INO80D: variants seen among roughly 807,000 people sequenced by gnomAD.
INO80D encodes the protein INO80 complex subunit D.
Under a neutral mutation model 87.6 loss-of-function variants are expected in INO80D, and 21 were observed. That is an observed-to-expected ratio of 0.24 (90% CI 0.17 to 0.35). INO80D has a LOEUF of 0.35. Among genes scored for constraint, INO80D ranks in the 10% least tolerant of loss-of-function variants. The probability of loss-of-function intolerance (pLI) is 1.00; values close to 1 mark genes in which losing one functional copy is unlikely to be tolerated. For synonymous variants in INO80D, 440 were observed against 491.0 expected, an observed-to-expected ratio of 0.90 and a Z score of 1.37; for missense variants, 982 against 1,280.7, an observed-to-expected ratio of 0.77 and a Z score of 3.56.
At position 206,009,644 on chromosome 2, in the gene INO80D, C is replaced by A. The variant is rs1319220051; in HGVS notation, c.1693G>T (p.Ala565Ser). 13 of 1,613,798 alleles carry A rather than the reference C, an allele frequency of 8.1e-6. No homozygotes were observed. In the Admixed American group the frequency reaches 8.3e-5, roughly 10 times the overall value. The change falls in exon 9 of 11, where the codon GCA becomes TCA. Residue 565 changes from alanine (A) to serine (S), a missense_variant. Physicochemically the swap from Ala to Ser is moderately conservative, Grantham distance 99 (BLOSUM62 1). Transcript: ENST00000403263. ...ATGCTGAGGTTCCCTTGGGGGACTG[C>A]AGGTGGAATGGGTTTTTGGGGTCGA... ...PRRPQKPIPP[A>S]VPQGNLSMPA...
In INO80D at chr2:206,007,453, G is replaced by A. The variant is rs1316237165; in HGVS notation, c.1761-12C>T. On this transcript the variant is annotated splice_polypyrimidine_tract_variant and intron_variant, in intron 9 of 10. Coordinates refer to ENST00000403263, the MANE Select transcript of INO80D (RefSeq NM_017759.5). ...GCGTGGATGGGCTCCTGGGAAAGAGGACACTGTTGGTCCCATAACTCCCCC... is the reference window on the plus strand; with the variant it reads ...GCGTGGATGGGCTCCTGGGAAAGAGAACACTGTTGGTCCCATAACTCCCCC... 6.2e-7 allele frequency: 1 copy of A among 1,603,572 alleles called. No individual in the cohort carries two copies. The highest frequency in any genetic ancestry group is 1.1e-5 in the South Asian group (1 of 88,680).
chr2:206,029,139 C>T (rs1224679213), intron 5 of INO80D, among the ~76,000 whole-genome samples: 2 of 152,086 alleles, frequency 1.3e-5, no homozygotes, highest in African/African-American at 2.4e-5. Context: ...CCACCTGTCT[C>T]GGCCTCCCAA....
In INO80D at chr2:206,022,250, C is replaced by T. The variant is rs184363268; in HGVS notation, c.1299-2405G>A. On this transcript the variant is annotated intron_variant, in intron 6 of 10. Transcript: ENST00000403263. Reference sequence around the variant, plus strand: ...GGCATGGTGGCGGGCACCTGTAATCCCAGCTACTCGGGAGGCTGAGGTAGG... The same window carrying T: ...GGCATGGTGGCGGGCACCTGTAATCTCAGCTACTCGGGAGGCTGAGGTAGG... Among the ~76,000 whole-genome samples, 545 of 151,820 alleles carry T rather than the reference C, an allele frequency of 3.6e-3. 14 individuals are homozygous for T. Among genetic ancestry groups the T allele is most frequent in the East Asian group, 7.2e-3 (37 of 5,122 alleles).
At chr2:206,081,666 AG>A (rs1302940425) in intron 1 of INO80D, among the ~76,000 whole-genome samples, 1 of 151,202 alleles carries the variant, frequency 6.6e-6, no homozygotes, top group African/African-American at 2.4e-5. Flanking sequence ...CTGAGGTGGG[AG>A]GATCACTGGA....
At chr2:206,039,274 G>A (rs1051927633) in intron 5 of INO80D, among the ~76,000 whole-genome samples, 1 of 152,038 alleles carries the variant, frequency 6.6e-6, no homozygotes, top group Non-Finnish European at 1.5e-5. Flanking sequence ...GCGCATGCCT[G>A]TAATCCCACC....
chr2:206,045,776 G>A (rs969698719), intron 5 of INO80D, among the ~76,000 whole-genome samples: 2 of 152,026 alleles, frequency 1.3e-5, no homozygotes, highest in Admixed American at 6.6e-5. Flanking sequence ...GCAGAAGATA[G>A]AGGTGAAGTA....
chr2:206,031,378 G>A (rs551941358), intron 5 of INO80D, among the ~76,000 whole-genome samples: 20 of 152,212 alleles, frequency 1.3e-4, no homozygotes, highest in African/African-American at 4.6e-4. Context: ...TGCATAACTA[G>A]GAAAACAGAA....
intron 1 of INO80D, among the ~76,000 whole-genome samples, chr2:206,072,854 T>A (rs1047233463): frequency 4.6e-5 from 7 of 151,926 alleles, no homozygotes; most frequent in Non-Finnish European, 8.8e-5. Flanking sequence ...CTCTTTTTTT[T>A]TTTTTTAAGA....
chr2:206,067,555 C>T (rs1689852609), intron 1 of INO80D, among the ~76,000 whole-genome samples: 3 of 152,044 alleles, frequency 2.0e-5, no homozygotes, highest in Admixed American at 6.6e-5. Context: ...ATCAAAACAT[C>T]ACTATATACC....
intron 5 of INO80D, among the ~76,000 whole-genome samples, chr2:206,031,848 TC>T (rs1688775927): frequency 6.6e-6 from 1 of 152,098 alleles, no homozygotes; most frequent in African/African-American, 2.4e-5. Context: ...CCGGAGACAC[TC>T]CAAATACCGT....
chr2:206,085,831 TGCGCGGCCCAGCCC>T lies in INO80D; in HGVS notation c.-124+56_-124+69del, dbSNP rs1244656486. The T allele has an allele frequency of 2.0e-5, 3 of 151,592 alleles. No individual in the cohort carries two copies. The highest frequency in any genetic ancestry group is 7.3e-5 in the African/African-American group (3 of 41,234). The allele number at this position is 151,592 out of a possible 1,614,324, so 9.4% of individuals were successfully genotyped here. A position where few individuals can be genotyped will look rare whatever the true frequency, so the allele number is the denominator to read the frequency against. ...AAGCGCGCTCGCCGCCCGCCCAGCC[TGCGCGGCCCAGCCC>T]GCCGCCCTACGGGAGCCCGGGGATG... On this transcript the variant is annotated intron_variant, in intron 1 of 10. Transcript: ENST00000403263. The surrounding 1 kb of genome is among the most constrained non-coding windows in gnomAD (Gnocchi z 4.5).
At chr2:206,047,109 A>G (rs1442481837) in intron 4 of INO80D, among the ~76,000 whole-genome samples, 2 of 152,120 alleles carry the variant, frequency 1.3e-5, no homozygotes, top group African/African-American at 4.8e-5. Flanking sequence ...ACATTACAAC[A>G]AAAAGGCTAA....
At chr2:206,058,438 AAAAACCTAT>A in intron 3 of INO80D, among the ~76,000 whole-genome samples, 1 of 148,286 alleles carries the variant, frequency 6.7e-6, no homozygotes, top group Non-Finnish European at 1.5e-5. Flanking sequence ...AAAAAAAAAA[AAAAACCTAT>A]AAAAGGGCCG....
rs1553612840 is a variant in INO80D, at chr2:205,994,887, A to AAAG, written c.*9480_*9481insCTT. ...ACTTGGAACTCGCAAAAAAAAAAAA[A>AAAG]AAAGAAAGAAAGAAAGAAAGAAAAA... On this transcript the variant is annotated 3_prime_UTR_variant, in exon 11 of 11. Transcript: ENST00000403263. 27 of 151,024 alleles carry AAAG rather than the reference A, an allele frequency of 1.8e-4. No homozygotes were observed. The highest frequency in any genetic ancestry group is 6.2e-4 in the South Asian group (3 of 4,820). The allele number at this position is 151,024 out of a possible 1,614,324, so 9.4% of individuals were successfully genotyped here.
At chr2:206,052,056 T>C (rs1375222620) in intron 4 of INO80D, among the ~76,000 whole-genome samples, 1 of 152,238 alleles carries the variant, frequency 6.6e-6, no homozygotes, top group East Asian at 1.9e-4. Context: ...CCTGAGCACA[T>C]GTCTTTATAC....
chr2:206,042,942 C>A (rs1046275276), intron 5 of INO80D, among the ~76,000 whole-genome samples: 1 of 152,100 alleles, frequency 6.6e-6, no homozygotes, highest in Non-Finnish European at 1.5e-5. Context: ...ACTGCACTCC[C>A]GCCTGGGTGA....
intron 6 of INO80D, among the ~76,000 whole-genome samples, chr2:206,020,936 A>G (rs1270744105): frequency 6.6e-6 from 1 of 152,126 alleles, no homozygotes; most frequent in Non-Finnish European, 1.5e-5. Context: ...GAGGGCTCCC[A>G]AAATCAAAAA....
chr2:206,068,406 C>G (rs1308911552), intron 1 of INO80D, among the ~76,000 whole-genome samples: 2 of 151,604 alleles, frequency 1.3e-5, no homozygotes, highest in African/African-American at 4.8e-5. Context: ...GGCCACACTA[C>G]ATTTTAGATC....
intron 1 of INO80D, among the ~76,000 whole-genome samples, chr2:206,078,711 C>A (rs1218880546): frequency 6.6e-6 from 1 of 152,062 alleles, no homozygotes; most frequent in African/African-American, 2.4e-5. Context: ...CTTTGGGAGG[C>A]CAAGGCAGGT....
Sources: gnomAD v4.1 joint callset for allele counts (sites outside exome capture counted in the v4.1 genomes callset) on GRCh38, gnomAD v4.1.1 for gene constraint, Gnocchi (gnomAD v3.1) non-coding constraint, MANE v1.5 for transcripts, NCBI Gene and HGNC (gene_info 2026-07-23, HGNC 2026-07-21) for gene names.